The following GABRB1 variants were observed in gnomAD, a reference collection of about 807,000 sequenced individuals.
The protein encoded by GABRB1 is gamma-aminobutyric acid receptor subunit beta-1.
A neutral mutation model predicts 51.6 loss-of-function variants in GABRB1; 17 were observed. The ratio of observed to expected loss-of-function variants is 0.33; its 90% confidence interval spans 0.23 to 0.49. The LOEUF (loss-of-function observed/expected upper bound fraction) is 0.49, where lower values mean the gene tolerates loss of function less well. GABRB1 is among the 20% of genes least tolerant of loss of function. The pLI, the probability that GABRB1 is intolerant of heterozygous loss-of-function variation, is 0.99. For missense variants in GABRB1, 410 were observed against 600.6 expected (o/e 0.68, Z 3.32); for synonymous variants, 247 against 218.9 (o/e 1.13, Z -1.14).
chr4:47,032,565 T>C (rs1218775750), intron 3 of GABRB1, 81 bp downstream of exon 3: 1 of 1,387,250 alleles, frequency 7.2e-7, no homozygotes, highest in Admixed American at 1.7e-5. Flanking sequence ...CTGCGTTTCA[T>C]TGGCGGTCAC....
chr4:47,380,512 G>T (rs1236941923), intron 5 of GABRB1, among the ~76,000 whole-genome samples: 1 of 152,140 alleles, frequency 6.6e-6, no homozygotes. Context: ...AGCACTATGG[G>T]ATGTGGGTGA....
At chr4:47,227,742 C>A (rs1285732067) in intron 4 of GABRB1, among the ~76,000 whole-genome samples, 2 of 152,230 alleles carry the variant, frequency 1.3e-5, no homozygotes, top group Admixed American at 6.5e-5. Context: ...TCTTAAATAA[C>A]CACAGTGTAG....
At chr4:47,371,205 G>A (rs1560355901) in intron 5 of GABRB1, among the ~76,000 whole-genome samples, 2 of 151,062 alleles carry the variant, frequency 1.3e-5, no homozygotes, top group East Asian at 3.9e-4. Flanking sequence ...TTCTGTTCCT[G>A]TGTTAGTTAG....
At chr4:47,392,852 T>A (rs1261716979) in intron 5 of GABRB1, among the ~76,000 whole-genome samples, 1 of 152,210 alleles carries the variant, frequency 6.6e-6, no homozygotes, top group Non-Finnish European at 1.5e-5. Flanking sequence ...GAGCAAATAG[T>A]TCTTCCCTAG....
At chr4:47,366,644 T>G (rs2110014658) in intron 5 of GABRB1, among the ~76,000 whole-genome samples, 1 of 151,512 alleles carries the variant, frequency 6.6e-6, no homozygotes, top group Non-Finnish European at 1.5e-5. Context: ...AAAAAAAATC[T>G]CAACATTATC....
chr4:47,408,636 T>G (rs961530636), intron 8 of GABRB1, among the ~76,000 whole-genome samples: 1 of 152,274 alleles, frequency 6.6e-6, no homozygotes, highest in Admixed American at 6.5e-5. Context: ...AATATTATAC[T>G]CATATGAGGT....
chr4:47,352,126 A>T (rs1266889601), intron 5 of GABRB1, among the ~76,000 whole-genome samples: 2 of 152,070 alleles, frequency 1.3e-5, no homozygotes, highest in Non-Finnish European at 1.5e-5. Flanking sequence ...ATGGTATCTC[A>T]TCGTGGTTTT....
chr4:47,171,709 A>G (rs370273712), intron 4 of GABRB1, among the ~76,000 whole-genome samples: 8 of 152,172 alleles, frequency 5.3e-5, no homozygotes, highest in South Asian at 2.1e-4. Context: ...AAATTAAAAA[A>G]TTTGTATTCA....
At chr4:47,110,355 G>T (rs889081527) in intron 3 of GABRB1, among the ~76,000 whole-genome samples, 10 of 151,854 alleles carry the variant, frequency 6.6e-5, no homozygotes, top group Non-Finnish European at 1.2e-4. Flanking sequence ...TCCATAAGTG[G>T]TGCTAACTTC....
intron 3 of GABRB1, among the ~76,000 whole-genome samples, chr4:47,158,751 C>T (rs1717809805): frequency 6.6e-6 from 1 of 151,998 alleles, no homozygotes; most frequent in East Asian, 1.9e-4. Context: ...TCATGGCCAA[C>T]TGAGTCCATC....
chr4:47,027,449 A>G (rs1340322209), upstream of GABRB1, among the ~76,000 whole-genome samples: 2 of 151,704 alleles, frequency 1.3e-5, no homozygotes, highest in East Asian at 1.9e-4. Context: ...GCTATAATAT[A>G]TAAATAAGAA....
At chr4:47,272,268 A>T (rs1278582380) in intron 4 of GABRB1, among the ~76,000 whole-genome samples, 1 of 152,200 alleles carries the variant, frequency 6.6e-6, no homozygotes, top group Non-Finnish European at 1.5e-5. Flanking sequence ...TTGTATGTGC[A>T]GATCATTCTC....
rs142693975 is a variant in GABRB1, at chr4:47,139,880, A to G, written c.241-21369A>G. ...TGTAGGTCCATGGGCCACACTTTTA[A>G]TAGAAATGTTCTACAGCATTTCACA... On this transcript the variant is annotated intron_variant, in intron 3 of 8. Transcript: ENST00000295454. Among the ~76,000 whole-genome samples the G allele has an allele frequency of 8.2e-3, 1,245 of 152,126 alleles. 13 individuals are homozygous for G. The highest frequency in any genetic ancestry group is 0.028 in the African/African-American group (1,168 of 41,522).
chr4:47,065,717 C>T (rs184610953), intron 3 of GABRB1, among the ~76,000 whole-genome samples: 2 of 152,160 alleles, frequency 1.3e-5, no homozygotes, highest in Admixed American at 6.5e-5. Flanking sequence ...CAACTGATGG[C>T]TGTTATGTTT....
intron 4 of GABRB1, among the ~76,000 whole-genome samples, chr4:47,207,205 C>G (rs1169133611): frequency 6.6e-6 from 1 of 151,950 alleles, no homozygotes; most frequent in Non-Finnish European, 1.5e-5. Flanking sequence ...GCTCATTTAT[C>G]TCCATAGTCA....
intron 8 of GABRB1, among the ~76,000 whole-genome samples, chr4:47,425,174 C>T (rs962229122): frequency 2.0e-5 from 3 of 151,962 alleles, no homozygotes; most frequent in African/African-American, 7.3e-5. Context: ...GATGCCCAGG[C>T]TGTATTATTA....
chr4:47,120,170 AATGTGTGT>A (rs1368995746), intron 3 of GABRB1, among the ~76,000 whole-genome samples: 1 of 152,190 alleles, frequency 6.6e-6, no homozygotes, highest in African/African-American at 2.4e-5. Flanking sequence ...AGGATACAAC[AATGTGTGT>A]ATGTGTGTAT....
At chr4:47,239,186 A>C (rs748399887) in intron 4 of GABRB1, among the ~76,000 whole-genome samples, 2 of 152,218 alleles carry the variant, frequency 1.3e-5, no homozygotes, top group Non-Finnish European at 2.9e-5. Context: ...ATCTCAATCA[A>C]GATACTGAAT....
rs544415209 is a variant in GABRB1 at position 47,113,197 on chromosome 4, C to T, written c.241-48052C>T. On this transcript the variant is annotated intron_variant, in intron 3 of 8. Coordinates refer to ENST00000295454, the MANE Select transcript of GABRB1 (RefSeq NM_000812.4). ...AGTCGAGAGTTCGAGATCAGCCTGG[C>T]TAACATAGTGAAACCCCGTCTCTAC... is the stretch of plus-strand genomic sequence containing the variant. Among the ~76,000 whole-genome samples, 351 of 152,116 alleles carry T rather than the reference C, an allele frequency of 2.3e-3. 1 individual carries two copies. Among genetic ancestry groups the T allele is most frequent in the African/African-American group, 8.2e-3 (341 of 41,514 alleles).
Sources: allele counts gnomAD v4.1 joint callset (sites outside exome capture counted in the v4.1 genomes callset), GRCh38; gene constraint gnomAD v4.1.1; transcripts MANE v1.5; gene names NCBI Gene and HGNC (gene_info 2026-07-23, HGNC 2026-07-21).